The following STX8 variants were observed in gnomAD, a reference collection of about 807,000 sequenced individuals.
STX8 encodes syntaxin-8.
In STX8, 23 loss-of-function variants were observed where a neutral mutation model predicts 37.5. That is an observed-to-expected ratio of 0.61 (90% CI 0.44 to 0.87). STX8 has a LOEUF of 0.87. STX8 is among the 40% of genes least tolerant of loss of function. The pLI, the probability that STX8 is intolerant of heterozygous loss-of-function variation, is 0.00. For synonymous variants in STX8, 115 were observed against 99.1 expected (o/e 1.16, Z -0.95); for missense variants, 313 against 284.7 (o/e 1.10, Z -0.71).
chr17:9,297,862 G>A (rs1278338807), intron 7 of STX8, among the ~76,000 whole-genome samples: 1 of 152,164 alleles, frequency 6.6e-6, no homozygotes, highest in African/African-American at 2.4e-5. Flanking sequence ...ATGAATGTTT[G>A]TTAGCTGGGG....
chr17:9,313,851 C>T (rs867470091), intron 7 of STX8, among the ~76,000 whole-genome samples: 1 of 152,164 alleles, frequency 6.6e-6, no homozygotes, highest in African/African-American at 2.4e-5. Context: ...AGGATGGTCT[C>T]GATCTCCTGA....
chr17:9,531,285 G>A (rs943834884), intron 4 of STX8, among the ~76,000 whole-genome samples: 2 of 152,150 alleles, frequency 1.3e-5, no homozygotes, highest in African/African-American at 2.4e-5. Flanking sequence ...AACAGTGGCT[G>A]TAATCAGCTT....
intron 7 of STX8, among the ~76,000 whole-genome samples, chr17:9,280,727 T>C (rs1907853248): frequency 6.6e-6 from 1 of 152,216 alleles, no homozygotes; most frequent in African/African-American, 2.4e-5. Context: ...GCTGTGTGCC[T>C]GTCAGTTCTC....
At chr17:9,324,169 C>A (rs1909678916) in intron 7 of STX8, among the ~76,000 whole-genome samples, 1 of 151,684 alleles carries the variant, frequency 6.6e-6, no homozygotes, top group East Asian at 1.9e-4. Flanking sequence ...CACAAACACA[C>A]ACTCCAGTTG....
chr17:9,451,943 A>G (rs1905054215), intron 6 of STX8, among the ~76,000 whole-genome samples: 1 of 152,172 alleles, frequency 6.6e-6, no homozygotes, highest in Non-Finnish European at 1.5e-5. Context: ...CTCTTAATCC[A>G]ATTAAATTAC....
chr17:9,465,063 T>G (rs1411754214), intron 6 of STX8, among the ~76,000 whole-genome samples: 1 of 152,118 alleles, frequency 6.6e-6, no homozygotes, highest in African/African-American at 2.4e-5. Flanking sequence ...CTTTGAGCTT[T>G]TTAGGTTTCA....
intron 7 of STX8, among the ~76,000 whole-genome samples, chr17:9,306,221 T>C (rs1432413002): frequency 1.3e-5 from 2 of 152,178 alleles, no homozygotes; most frequent in African/African-American, 2.4e-5. Context: ...TAGTAGGCTA[T>C]GTCATCTAGG....
intron 7 of STX8, among the ~76,000 whole-genome samples, chr17:9,254,524 T>A (rs1906713741): frequency 6.6e-6 from 1 of 151,988 alleles, no homozygotes; most frequent in South Asian, 2.1e-4. Flanking sequence ...GCCTCCCAAG[T>A]AGCGGGGATT....
At chr17:9,303,972 C>CA (rs376067622) in intron 7 of STX8, among the ~76,000 whole-genome samples, 239 of 143,556 alleles carry the variant, frequency 1.7e-3, no homozygotes, top group African/African-American at 4.6e-3. Flanking sequence ...CTTTTCATGA[C>CA]AAAAAAAAAA....
chr17:9,363,334 G>A (rs193073503), intron 7 of STX8, among the ~76,000 whole-genome samples: 339 of 152,174 alleles, frequency 2.2e-3, no homozygotes, highest in Non-Finnish European at 3.7e-3. Context: ...TTCAATTTAC[G>A]GATATAAAAG....
chr17:9,437,699 G>A (rs1904483775), intron 6 of STX8: 2 of 152,160 alleles, frequency 1.3e-5, no homozygotes, highest in Non-Finnish European at 2.9e-5. Context: ...GCTAGGCTAG[G>A]CCTTATATCT....
chr17:9,274,747 T>TC lies in STX8; in HGVS notation c.644-24103_644-24102insG, dbSNP rs1469304522. ...GTCTTCAAAAATACAACAATTTCTT[T>TC]TTTCTTTTTTTTTTTTTTTTTTGAG... On this transcript the variant is annotated intron_variant, in intron 7 of 7. Coordinates refer to ENST00000306357, the MANE Select transcript of STX8 (RefSeq NM_004853.3). Among the ~76,000 whole-genome samples, 78 of 125,442 alleles carry TC rather than the reference T, an allele frequency of 6.2e-4. 6 individuals are homozygous for TC. The highest frequency in any genetic ancestry group is 1.2e-3 in the Non-Finnish European group (68 of 56,410). The allele number at this position is 125,442 out of a possible 152,430, so 82.3% of individuals were successfully genotyped here. A position where few individuals can be genotyped will look rare whatever the true frequency, so the allele number is the denominator to read the frequency against.
intron 6 of STX8, among the ~76,000 whole-genome samples, chr17:9,473,802 T>A (rs1455352651): frequency 1.3e-5 from 2 of 152,208 alleles, no homozygotes; most frequent in Non-Finnish European, 2.9e-5. Context: ...ATTTCCTGAG[T>A]GCTAGACGTG....
intron 3 of STX8, among the ~76,000 whole-genome samples, chr17:9,548,246 ATGC>A (rs1413765477): frequency 3.9e-5 from 6 of 152,046 alleles, no homozygotes; most frequent in Non-Finnish European, 8.8e-5. Flanking sequence ...CTGGGATTAC[ATGC>A]ACATGCCACC....
intron 6 of STX8, among the ~76,000 whole-genome samples, chr17:9,488,821 A>AGAGTGTGTGTGTGTGT (rs563653738): frequency 2.8e-5 from 4 of 143,908 alleles, no homozygotes; most frequent in African/African-American, 1.0e-4. Flanking sequence ...AGAGAGAGAG[A>AGAGTGTGTGTGTGTGT]GTGTGTGTGT....
chr17:9,404,712 C>T (rs1276485354), intron 6 of STX8, among the ~76,000 whole-genome samples: 1 of 152,172 alleles, frequency 6.6e-6, no homozygotes, highest in Non-Finnish European at 1.5e-5. Flanking sequence ...CTTGGCCTCC[C>T]AAAGTGCTGG....
chr17:9,458,954 T>C (rs1039157307), intron 6 of STX8, among the ~76,000 whole-genome samples: 2 of 151,476 alleles, frequency 1.3e-5, no homozygotes, highest in Admixed American at 1.3e-4. Flanking sequence ...CTCAACCTCC[T>C]GAGTAGCTGG....
chr17:9,479,942 G>A (rs1212022637), intron 6 of STX8, among the ~76,000 whole-genome samples: 1 of 152,142 alleles, frequency 6.6e-6, no homozygotes, highest in Non-Finnish European at 1.5e-5. Context: ...TTGCGTAAAG[G>A]CCCTTTGCCT....
At chr17:9,408,400 A>G (rs1912869671) in intron 6 of STX8, among the ~76,000 whole-genome samples, 1 of 152,234 alleles carries the variant, frequency 6.6e-6, no homozygotes, top group South Asian at 2.1e-4. Flanking sequence ...AGTCATGAAC[A>G]TCATAGTCTT....
Sources: gnomAD v4.1 joint callset for allele counts (sites outside exome capture counted in the v4.1 genomes callset) on GRCh38, gnomAD v4.1.1 for gene constraint, MANE v1.5 for transcripts, NCBI Gene and HGNC (gene_info 2026-07-23, HGNC 2026-07-21) for gene names.